Variants in ARID1A observed in about 807,000 individuals in gnomAD.
ARID1A encodes AT-rich interactive domain-containing protein 1A.
A neutral mutation model predicts 212.6 loss-of-function variants in ARID1A; 20 were observed. The observed-to-expected ratio is 0.09, with a 90% CI of 0.07 to 0.14. The LOEUF (loss-of-function observed/expected upper bound fraction) is 0.14. Among genes scored for constraint, ARID1A ranks in the 10% least tolerant of loss-of-function variants. The probability of loss-of-function intolerance (pLI) is 1.00; values close to 1 mark genes in which losing one functional copy is unlikely to be tolerated. For missense variants in ARID1A, 2,587 were observed against 3,059.0 expected, an observed-to-expected ratio of 0.85 and a Z score of 3.64; for synonymous variants, 1,376 against 1,222.1, an observed-to-expected ratio of 1.13 and a Z score of -2.63.
At position 26,709,647 on chromosome 1, in the gene ARID1A, T is replaced by TTTA. The variant is rs1553147398; in HGVS notation, c.1137+12107_1137+12108insTTA. Among the ~76,000 whole-genome samples the TTTA allele has an allele frequency of 7.4e-5, 11 of 148,160 alleles. No homozygotes were observed. The East Asian group carries it at 9.8e-4, about 13-fold the overall frequency. ...AATGCTTTTTTTTTTTTTTTTTTTT[T>TTTA]AAACTAAAATTTGTTTAGAGACAGG... is the stretch of plus-strand genomic sequence containing the variant. On this transcript the variant is annotated intron_variant, in intron 1 of 19. Coordinates refer to ENST00000324856, the MANE Select transcript of ARID1A (RefSeq NM_006015.6).
At chr1:26,738,720 G>A (rs903094510) in intron 4 of ARID1A, among the ~76,000 whole-genome samples, 1 of 151,740 alleles carries the variant, frequency 6.6e-6, no homozygotes, top group African/African-American at 2.4e-5. Flanking sequence ...CACCACTCCC[G>A]GCTAGTTTTT....
intron 1 of ARID1A, among the ~76,000 whole-genome samples, chr1:26,720,808 G>T (rs141061515): frequency 2.6e-5 from 4 of 151,644 alleles, no homozygotes; most frequent in African/African-American, 9.7e-5. Context: ...GGTTGAGGCT[G>T]CAGTGGGCCA....
chr1:26,729,368 C>T (rs552256698), intron 1 of ARID1A: 28 of 436,120 alleles, frequency 6.4e-5, no homozygotes, highest in Admixed American at 5.3e-4. Context: ...TGTTTATACC[C>T]GGCCTGTCCC....
chr1:26,702,890 A>G (rs895083586), intron 1 of ARID1A, among the ~76,000 whole-genome samples: 30 of 152,196 alleles, frequency 2.0e-4, no homozygotes, highest in African/African-American at 6.8e-4. Context: ...CTGACTGTCA[A>G]TAGTAAGGTA....
rs1246092902 is a variant in ARID1A, at chr1:26,763,302, A to G, written c.2732+17A>G. On this transcript the variant is annotated intron_variant, in intron 8 of 19. Transcript: ENST00000324856. Reference sequence around the variant, plus strand: ...CCAAAACAGGTAAGGCCTGGGAAGCAGAGAGGGTGTCAGTGCAAGAAAATG... The same window carrying G: ...CCAAAACAGGTAAGGCCTGGGAAGCGGAGAGGGTGTCAGTGCAAGAAAATG... 6.4e-7 allele frequency: 1 copy of G among 1,574,770 alleles called. No homozygotes were observed. Among genetic ancestry groups the G allele is most frequent in the Non-Finnish European group, 8.6e-7 (1 of 1,156,666 alleles).
chr1:26,696,580 G>A lies in ARID1A; in HGVS notation c.177G>A (p.Glu59=), dbSNP rs560502657. ...AGGCAGCCGCCGGGCAGGAAAGCGA[G>A]GGCCCCGCCGTGGGGCCGCCGCAGC... ...EMKAAAGQES[E]GPAVGPPQPL... The change falls in exon 1 of 20, where the codon GAG becomes GAA. Residue 59 remains glutamate, a synonymous_variant. Coordinates refer to ENST00000324856, the MANE Select transcript of ARID1A (RefSeq NM_006015.6). The A allele has an allele frequency of 1.5e-5, 18 of 1,229,756 alleles. No individual in the cohort carries two copies. The South Asian group carries it at 6.4e-4, about 43-fold the overall frequency. The allele number at this position is 1,229,756 out of a possible 1,614,324, so 76.2% of individuals were successfully genotyped here.
chr1:26,714,637 G>A (rs1231335388), intron 1 of ARID1A, among the ~76,000 whole-genome samples: 2 of 151,978 alleles, frequency 1.3e-5, no homozygotes, highest in African/African-American at 4.8e-5. Flanking sequence ...GGCTGGTCTC[G>A]AACTCCTGAC....
Position 26,761,010 on chromosome 1 carries a change from T to C in ARID1A, c.2075T>C (p.Ile692Thr), listed in dbSNP as rs1299700527. 3 of 1,614,022 alleles carry C rather than the reference T, an allele frequency of 1.9e-6. No individual in the cohort carries two copies. Among genetic ancestry groups the C allele is most frequent in the Admixed American group, 1.7e-5 (1 of 60,000 alleles). ...SPHTSPHLPGIRGPSPSPVGS... is the reference protein window; with the variant it reads ...SPHTSPHLPGTRGPSPSPVGS... Reference sequence around the variant, plus strand: ...CATACCTCCCCTCACCTGCCTGGCATCCGAGGCCCTTCCCCGTCCCCTGTT... The same window carrying C: ...CATACCTCCCCTCACCTGCCTGGCACCCGAGGCCCTTCCCCGTCCCCTGTT... The change falls in exon 5 of 20, where the codon ATC becomes ACC. Residue 692 changes from isoleucine (I) to threonine (T), a missense_variant. Around this residue, in one of 11 missense-constraint regions of ARID1A, gnomAD observed 674 missense variants for 813.4 expected, o/e 0.83. Transcript: ENST00000324856.
chr1:26,742,007 A>G (rs1459566601), intron 4 of ARID1A, among the ~76,000 whole-genome samples: 1 of 152,188 alleles, frequency 6.6e-6, no homozygotes, highest in African/African-American at 2.4e-5. Flanking sequence ...ATTGGAAGGT[A>G]CAGAATACCC....
intron 1 of ARID1A, among the ~76,000 whole-genome samples, chr1:26,715,180 C>G (rs1227085001): frequency 6.6e-6 from 1 of 152,068 alleles, no homozygotes; most frequent in Non-Finnish European, 1.5e-5. Flanking sequence ...TCTTTATTTA[C>G]TTTGTTTATT....
chr1:26,734,185 C>A (rs2080706670), intron 4 of ARID1A, among the ~76,000 whole-genome samples: 1 of 151,152 alleles, frequency 6.6e-6, no homozygotes, highest in Non-Finnish European at 1.5e-5. Context: ...GAATGTGTAA[C>A]CACTCCCTCA....
chr1:26,724,807 C>G (rs1398251337), intron 1 of ARID1A, among the ~76,000 whole-genome samples: 1 of 152,092 alleles, frequency 6.6e-6, no homozygotes, highest in Non-Finnish European at 1.5e-5. Flanking sequence ...TGTCTGCTAG[C>G]TGTTTGTTCT....
chr1:26,753,738 C>G (rs2080904486), intron 4 of ARID1A, among the ~76,000 whole-genome samples: 1 of 151,714 alleles, frequency 6.6e-6, no homozygotes, highest in Non-Finnish European at 1.5e-5. Flanking sequence ...GGCATTGCTA[C>G]AGTTATTTCC....
At chr1:26,713,628 G>T (rs1022515617) in intron 1 of ARID1A, among the ~76,000 whole-genome samples, 2 of 152,164 alleles carry the variant, frequency 1.3e-5, no homozygotes, top group African/African-American at 4.8e-5. Flanking sequence ...CCAGAGTGCT[G>T]GGATTACAGG....
chr1:26,770,073 G>A (rs938751347), intron 11 of ARID1A: 1 of 152,286 alleles, frequency 6.6e-6, no homozygotes, highest in Admixed American at 6.5e-5. Flanking sequence ...AATCAGTGGG[G>A]TGTGGTGACA....
At chr1:26,731,805 C>T (rs1317534778) in intron 3 of ARID1A, among the ~76,000 whole-genome samples, 1 of 152,126 alleles carries the variant, frequency 6.6e-6, no homozygotes, top group Non-Finnish European at 1.5e-5. Context: ...TGTAGCTCTC[C>T]TTAATGATGA....
rs965234764 is a variant in ARID1A at position 26,697,257 on chromosome 1, G to C, written c.854G>C (p.Gly285Ala). ...GGGGPSAAGGGTPQPTATPTL... is the reference protein window; with the variant it reads ...GGGGPSAAGGATPQPTATPTL... ...GGCGGCCCCTCCGCGGCCGGCGGGGGAACTCCCCAGCCCACCGCCACCCCC... is the reference window on the plus strand; with the variant it reads ...GGCGGCCCCTCCGCGGCCGGCGGGGCAACTCCCCAGCCCACCGCCACCCCC... Residue 285 changes from glycine to alanine, a missense_variant, in exon 1 of 20, where the codon GGA becomes GCA. This residue lies in a region of ARID1A where 735 missense variants were observed against 590.6 expected (regional missense o/e 1.24). Transcript: ENST00000324856. 6.6e-6 allele frequency: 9 copies of C among 1,371,778 alleles called. No homozygotes were observed. The highest frequency in any genetic ancestry group is 8.4e-6 in the Non-Finnish European group (9 of 1,070,500). 85.0% of individuals were successfully genotyped at this position (1,371,778 alleles called of 1,614,324 possible). A position where few individuals can be genotyped will look rare whatever the true frequency, so the allele number is the denominator to read the frequency against.
intron 8 of ARID1A, chr1:26,764,481 T>C (rs996840645): frequency 1.3e-5 from 2 of 152,350 alleles, no homozygotes; most frequent in Middle Eastern, 3.4e-3. Context: ...TTTCTCCTAC[T>C]GTTTTATGTG....
intron 4 of ARID1A, among the ~76,000 whole-genome samples, chr1:26,751,234 G>A (rs1190692001): frequency 6.6e-6 from 1 of 151,826 alleles, no homozygotes; most frequent in African/African-American, 2.4e-5. Flanking sequence ...CAGCCTGGAG[G>A]ACAGGGCAAA....
Sources: allele counts gnomAD v4.1 joint callset (sites outside exome capture counted in the v4.1 genomes callset), GRCh38; gene constraint gnomAD v4.1.1; regional missense constraint gnomAD v4.1.1; transcripts MANE v1.5; gene names NCBI Gene and HGNC (gene_info 2026-07-23, HGNC 2026-07-21).